The following SYCP1 variants were observed in gnomAD, a reference collection of about 807,000 sequenced individuals.
The protein encoded by SYCP1 is cancer/testis antigen 8.
A neutral mutation model predicts 153.1 loss-of-function variants in SYCP1; 64 were observed. The ratio of observed to expected loss-of-function variants is 0.42; its 90% CI spans 0.34 to 0.51. SYCP1 has a LOEUF of 0.51. SYCP1 is among the 20% of genes least tolerant of loss of function. The pLI, the probability that SYCP1 is intolerant of heterozygous loss-of-function variation, is 0.06. For missense variants in SYCP1, 997 were observed against 1,049.0 expected (o/e 0.95, Z 0.68); for synonymous variants, 384 against 341.8 (o/e 1.12, Z -1.36).
At chr1:114,963,763 C>T (rs893993901) in intron 27 of SYCP1, among the ~76,000 whole-genome samples, 6 of 152,138 alleles carry the variant, frequency 3.9e-5, no homozygotes, top group African/African-American at 1.4e-4. Context: ...TTTCTTTATC[C>T]AGTCTATCAT....
chr1:114,886,375 A>G, intron 14 of SYCP1, 66 bp downstream of exon 14: 1 of 1,356,052 alleles, frequency 7.4e-7, no homozygotes. Flanking sequence ...TTAATATTCA[A>G]TGCCATTTTC....
At chr1:114,881,952 T>C (rs1665978088) in intron 12 of SYCP1, among the ~76,000 whole-genome samples, 1 of 152,192 alleles carries the variant, frequency 6.6e-6, no homozygotes. Flanking sequence ...TGTAAATTAC[T>C]GTCTGTTACT....
At chr1:114,966,090 G>A (rs1407809045) in intron 27 of SYCP1, among the ~76,000 whole-genome samples, 1 of 152,052 alleles carries the variant, frequency 6.6e-6, no homozygotes, top group African/African-American at 2.4e-5. Context: ...ATGTGTCCAG[G>A]AATTTATTCA....
chr1:114,963,411 C>A (rs572505765), intron 27 of SYCP1, among the ~76,000 whole-genome samples: 2 of 152,066 alleles, frequency 1.3e-5, no homozygotes, highest in Non-Finnish European at 2.9e-5. Flanking sequence ...TTCTGGGATA[C>A]GTGTGCAGAA....
At chr1:114,854,451 T>G (rs1195535550), upstream of SYCP1, among the ~76,000 whole-genome samples, 1 of 152,184 alleles carries the variant, frequency 6.6e-6, no homozygotes, top group Non-Finnish European at 1.5e-5. Context: ...AACTCTCCAT[T>G]CACTCATTCT....
At chr1:114,965,923 G>A (rs914661661) in intron 27 of SYCP1, among the ~76,000 whole-genome samples, 7 of 152,002 alleles carry the variant, frequency 4.6e-5, no homozygotes, top group South Asian at 2.1e-4. Flanking sequence ...GAATGGTACC[G>A]GCTCCTCTTT....
At chr1:114,881,265 C>CT (rs372312382) in intron 12 of SYCP1, among the ~76,000 whole-genome samples, 7 of 151,404 alleles carry the variant, frequency 4.6e-5, no homozygotes, top group Non-Finnish European at 1.0e-4. Flanking sequence ...TTTCTTTGCT[C>CT]TTTTTTTTGG....
chr1:114,914,044 AG>A lies in SYCP1; in HGVS notation c.1718+1del. 1 of 1,553,908 alleles carries A rather than the reference AG, an allele frequency of 6.4e-7. No individual in the cohort carries two copies. The highest frequency in any genetic ancestry group is 8.7e-7 in the Non-Finnish European group (1 of 1,154,196). Reference protein sequence around the residue: ...ENLQETETQLRNELEYVREEL... With the variant: ...ENLQETETQLXNELEYVREEL... The stretch of plus-strand genomic sequence containing the variant: ...TCTTCAAGAAACAGAAACCCAATTA[AG>A]GCAAGACTAACAAATTGGCCTTTTT... On this transcript the variant is annotated frameshift_variant and splice_region_variant, in exon 20 of 32. Coordinates refer to ENST00000369522, the MANE Select transcript of SYCP1 (RefSeq NM_003176.4). LOFTEE classifies it high-confidence loss of function.
intron 23 of SYCP1, among the ~76,000 whole-genome samples, chr1:114,937,480 C>T (rs962235604): frequency 8.5e-5 from 13 of 152,178 alleles, no homozygotes; most frequent in Non-Finnish European, 1.2e-4. Flanking sequence ...AGGACATAGG[C>T]ATGGGCAAGG....
chr1:114,915,213 C>CT (rs1391978132), intron 20 of SYCP1, among the ~76,000 whole-genome samples: 1 of 152,102 alleles, frequency 6.6e-6, no homozygotes. Flanking sequence ...ATGGCTGGCT[C>CT]TTTAACAATT....
chr1:114,963,360 A>T (rs1671900501), intron 27 of SYCP1, among the ~76,000 whole-genome samples: 2 of 151,952 alleles, frequency 1.3e-5, no homozygotes, highest in South Asian at 2.1e-4. Flanking sequence ...GGCTTTGTTC[A>T]TTTTTTTAAA....
At chr1:114,889,354 T>C (rs12081713) in intron 15 of SYCP1, among the ~76,000 whole-genome samples, 2,324 of 152,320 alleles carry the variant, frequency 0.015, 53 homozygotes, top group African/African-American at 0.053. Context: ...CCACATCCTC[T>C]CCAGCATCTG....
chr1:114,865,408 ATTTG>A (rs1158657188), intron 8 of SYCP1, among the ~76,000 whole-genome samples: 1 of 152,090 alleles, frequency 6.6e-6, no homozygotes, highest in East Asian at 1.9e-4. Context: ...GAGAATGTTT[ATTTG>A]TTTATTTTCT....
intron 23 of SYCP1, among the ~76,000 whole-genome samples, chr1:114,943,147 T>A (rs993741480): frequency 1.3e-5 from 2 of 151,970 alleles, no homozygotes; most frequent in Non-Finnish European, 2.9e-5. Context: ...CATAACCTTG[T>A]TGCTGAGAAT....
At chr1:114,977,770 A>T in intron 28 of SYCP1, 154 bp downstream of exon 28, 1 of 504,352 alleles carries the variant, frequency 2.0e-6, no homozygotes, top group South Asian at 3.7e-5. Context: ...ATTAATTCAA[A>T]AGCATTTTAG....
intron 13 of SYCP1, 67 bp from the exon 14 acceptor site, chr1:114,886,058 A>AT: frequency 9.3e-7 from 1 of 1,070,554 alleles, no homozygotes. Context: ...ATAGAAGCAG[A>AT]TAAGTTCAGC....
At chr1:114,962,351 G>C (rs1422848638) in intron 27 of SYCP1, among the ~76,000 whole-genome samples, 1 of 152,044 alleles carries the variant, frequency 6.6e-6, no homozygotes, top group Non-Finnish European at 1.5e-5. Context: ...AGTGTTAGGT[G>C]CATATATTTT....
intron 21 of SYCP1, among the ~76,000 whole-genome samples, chr1:114,924,248 A>G (rs1669106155): frequency 6.6e-6 from 1 of 152,162 alleles, no homozygotes; most frequent in South Asian, 2.1e-4. Flanking sequence ...GAAAGTTCTA[A>G]AAAAATCTTG....
rs765076769 is a variant in SYCP1, at chr1:114,856,585, T to A, written c.121T>A (p.Cys41Ser). 1 of 1,610,394 alleles carries A rather than the reference T, an allele frequency of 6.2e-7. No individual in the cohort carries two copies. Among genetic ancestry groups the A allele is most frequent in the South Asian group, 1.1e-5 (1 of 90,252 alleles). The change falls in exon 3 of 32, where the codon TGT becomes AGT. Residue 41 changes from cysteine to serine, a missense_variant. Transcript: ENST00000369522. The stretch of plus-strand genomic sequence containing the variant: ...TTTGTGTCTCTAGAGTTTCAACAAA[T>A]GTACTGAAGATGATTTTGAGTTTCC... ...DSTFFKSFNK[C>S]TEDDFEFPFA...
Sources: gnomAD v4.1 joint callset for allele counts (sites outside exome capture counted in the v4.1 genomes callset) on GRCh38, gnomAD v4.1.1 for gene constraint, MANE v1.5 for transcripts, NCBI Gene and HGNC (gene_info 2026-07-23, HGNC 2026-07-21) for gene names.